The following RTEL1 variants were observed in gnomAD, a reference collection of about 807,000 sequenced individuals.
The protein encoded by RTEL1 is regulator of telomere length.
RTEL1 carries 86 observed loss-of-function variants against 162.2 expected under a neutral mutation model. That is an observed-to-expected ratio of 0.53 (90% CI 0.45 to 0.63). The LOEUF is 0.63. Ranked by LOEUF, RTEL1 falls within the 30% of genes least tolerant of loss-of-function variation. RTEL1 has a pLI of 0.00. For synonymous variants in RTEL1, 958 were observed against 717.9 expected (o/e 1.33, Z -5.35); for missense variants, 1,941 against 1,750.2 (o/e 1.11, Z -1.95).
At chr20:63,678,407 T>C (rs2090401473) in intron 12 of RTEL1, 61 bp downstream of exon 12, 1 of 1,495,100 alleles carries the variant, frequency 6.7e-7, no homozygotes. Context: ...AAACGGGCCA[T>C]GGTGCAGTCC....
In RTEL1 at chr20:63,695,380, C is replaced by T. The variant is rs760713860; in HGVS notation, c.3552C>T (p.Phe1184=). The T allele has an allele frequency of 7.7e-6, 12 of 1,554,626 alleles. No homozygotes were observed. The highest frequency in any genetic ancestry group is 3.5e-4 in the Middle Eastern group (2 of 5,770). The change falls in exon 34 of 35, where the codon TTC becomes TTT. Residue 1184 remains phenylalanine (F), a synonymous_variant. Coordinates refer to ENST00000360203, the MANE Select transcript of RTEL1 (RefSeq NM_001283009.2). ...AGACCCAGAGCAAGATCTCGTCCTT[C>T]CTTAGACAGAGGCCAGCAGGGACTG... The part of the protein sequence containing the change: ...TGKTQSKISS[F]LRQRPAGTVG...
rs956025765 is a variant in RTEL1 at position 63,661,093 on chromosome 20, C to T, written c.103-205C>T. Among the ~76,000 whole-genome samples, 1 of 152,242 alleles carries T rather than the reference C, an allele frequency of 6.6e-6. No homozygotes were observed. Among genetic ancestry groups the T allele is most frequent in the Admixed American group, 6.5e-5 (1 of 15,284 alleles). Reference sequence around the variant, plus strand: ...CGTTCTGCAAATCGTTTGCTAATGGCGGCTGAGTTGCTTCACGCCCTTTAG... The same window carrying T: ...CGTTCTGCAAATCGTTTGCTAATGGTGGCTGAGTTGCTTCACGCCCTTTAG... On this transcript the variant is annotated intron_variant, in intron 2 of 34. Transcript: ENST00000360203. The surrounding 1 kb of genome is among the most constrained non-coding windows in gnomAD (Gnocchi z 5.1).
At chr20:63,664,705 C>G (rs1170696649) in intron 6 of RTEL1, among the ~76,000 whole-genome samples, 1 of 152,232 alleles carries the variant, frequency 6.6e-6, no homozygotes, top group African/African-American at 2.4e-5. Flanking sequence ...GTGTCTGCAG[C>G]ACCTGCACCG....
chr20:63,668,351 C>T lies in RTEL1; in HGVS notation c.699+798C>T, dbSNP rs2090182761. ...TCGGGGTGTATATTTATTGAGAGCT[C>T]ATCATGCTGGGTGCTATTCCAGGCA... On this transcript the variant is annotated intron_variant, in intron 8 of 34. Coordinates refer to ENST00000360203, the MANE Select transcript of RTEL1 (RefSeq NM_001283009.2). The surrounding 1 kb of genome is among the most constrained non-coding windows in gnomAD (Gnocchi z 4.3). Among the ~76,000 whole-genome samples the T allele has an allele frequency of 1.3e-5, 2 of 152,210 alleles. No homozygotes were observed. Among genetic ancestry groups the T allele is most frequent in the African/African-American group, 4.8e-5 (2 of 41,452 alleles).
chr20:63,662,953 C>G (rs2090050805), intron 6 of RTEL1, 64 bp downstream of exon 6: 1 of 1,495,420 alleles, frequency 6.7e-7, no homozygotes, highest in Admixed American at 1.7e-5. Context: ...GGGTGGAGCT[C>G]AGTGGTGTCA....
In RTEL1 at chr20:63,661,228, T is replaced by A; in HGVS notation, c.103-70T>A. The A allele has an allele frequency of 6.9e-7, 1 of 1,454,928 alleles. No individual in the cohort carries two copies. The highest frequency in any genetic ancestry group is 2.3e-5 in the East Asian group (1 of 43,126). 90.1% of individuals were successfully genotyped at this position (1,454,928 alleles called of 1,614,324 possible). On this transcript the variant is annotated intron_variant, in intron 2 of 34. Transcript: ENST00000360203. The surrounding 1 kb of genome is among the most constrained non-coding windows in gnomAD (Gnocchi z 5.1). ...GCTGCCCGCTGGCTGCCGAAGCTTGTCTCAGGGCAGCTTGTGTGGCCTCGC... is the reference window on the plus strand; with the variant it reads ...GCTGCCCGCTGGCTGCCGAAGCTTGACTCAGGGCAGCTTGTGTGGCCTCGC...
At chr20:63,666,213 C>T (rs1232398375) in intron 7 of RTEL1, 134 bp downstream of exon 7, 18 of 734,724 alleles carry the variant, frequency 2.4e-5, no homozygotes, top group African/African-American at 3.6e-5. Context: ...CCATTCAGTA[C>T]GAAAAAGTTT....
At chr20:63,689,168 G>T (rs1391848717) in intron 22 of RTEL1, 36 bp downstream of exon 22, 1 of 1,590,938 alleles carries the variant, frequency 6.3e-7, no homozygotes, top group Non-Finnish European at 8.6e-7. Context: ...TGACCTGGTT[G>T]CCTGTTCCCT....
chr20:63,666,655 C>T (rs1467414033), intron 7 of RTEL1, among the ~76,000 whole-genome samples: 1 of 152,114 alleles, frequency 6.6e-6, no homozygotes, highest in Admixed American at 6.5e-5. Flanking sequence ...CCCACCTCAG[C>T]CTCCCAAGTA....
chr20:63,687,870 C>G, intron 17 of RTEL1, 67 bp from the exon 18 acceptor site: 1 of 1,581,044 alleles, frequency 6.3e-7, no homozygotes, highest in Non-Finnish European at 8.6e-7. Flanking sequence ...CTGGGGGTCT[C>G]GGGCCTCGAG....
Position 63,659,235 on chromosome 20 carries a change from C to A in RTEL1, c.-168C>A. 1.6e-6 allele frequency: 1 copy of A among 635,382 alleles called. No individual in the cohort carries two copies. Among genetic ancestry groups the A allele is most frequent in the South Asian group, 1.8e-5 (1 of 57,064 alleles). The allele number at this position is 635,382 out of a possible 1,614,324, so 39.4% of individuals were successfully genotyped here. A position where few individuals can be genotyped will look rare whatever the true frequency, so the allele number is the denominator to read the frequency against. On this transcript the variant is annotated splice_region_variant and 5_prime_UTR_variant, in exon 2 of 35. The change creates a new upstream start codon in the 5' untranslated region. Transcript: ENST00000360203. ...CAGAGTCTTACTGTCTTTCCCAGGT[C>A]TGTGCCATAGGGATTCTCGAAGAGA...
At chr20:63,692,220 C>G (rs1201625661) in intron 28 of RTEL1, 1 of 231,250 alleles carries the variant, frequency 4.3e-6, no homozygotes, top group Non-Finnish European at 8.6e-6. Flanking sequence ...CTGGAAAACC[C>G]CAAGTGTGGC....
chr20:63,687,849 T>C (rs2090631895), intron 17 of RTEL1, 79 bp downstream of exon 17: 5 of 1,561,166 alleles, frequency 3.2e-6, no homozygotes, highest in African/African-American at 2.7e-5. Flanking sequence ...GGGGTCCCCA[T>C]GAGCCGGGTG....
At chr20:63,671,000 C>T (rs913190398) in intron 8 of RTEL1, among the ~76,000 whole-genome samples, 2 of 152,086 alleles carry the variant, frequency 1.3e-5, no homozygotes, top group East Asian at 1.9e-4. Flanking sequence ...AGCAGGGAGC[C>T]GATGAGTCTC....
chr20:63,688,532 G>A lies in RTEL1; in HGVS notation c.1727G>A (p.Arg576His), dbSNP rs115423936. 1,537 of 1,610,342 alleles carry A rather than the reference G, an allele frequency of 9.5e-4. 12 individuals carry two copies. The African/African-American group carries it at 0.019, about 20-fold the overall frequency. ...CCCTGCCTCTTCCTCCCACAGGCCC[G>A]CGACTTGGCCAGGAAGATGGAGGCG... Reference protein sequence around the residue: ...MEKSLEFWRARDLARKMEALK... With the variant: ...MEKSLEFWRAHDLARKMEALK... Residue 576 changes from arginine (R) to histidine (H), a missense_variant, in exon 21 of 35, where the codon CGC becomes CAC. Coordinates refer to ENST00000360203, the MANE Select transcript of RTEL1 (RefSeq NM_001283009.2).
intron 13 of RTEL1, among the ~76,000 whole-genome samples, 170 bp from the exon 14 acceptor site, chr20:63,680,494 C>T (rs1294910804): frequency 1.3e-5 from 2 of 152,256 alleles, no homozygotes; most frequent in African/African-American, 2.4e-5. Context: ...CTGGGAAGAG[C>T]AGGCGAACTG....
chr20:63,678,150 A>C lies in RTEL1; in HGVS notation c.925A>C (p.Asn309His), dbSNP rs1001387395. Residue 309 changes from asparagine to histidine, a missense_variant, in exon 11 of 35, where the codon AAC becomes CAC. Physicochemically the swap from Asn to His is moderately conservative, Grantham distance 68 (BLOSUM62 1). Transcript: ENST00000360203. ...GCTGCCTTTCTCTTGCCCAGGGCTG[A>C]ACATGGAGCTGGAAGACATTGCAAA... ...FSADSPSPGLNMELEDIAKLK... is the reference protein window; with the variant it reads ...FSADSPSPGLHMELEDIAKLK... 2 of 1,614,042 alleles carry C rather than the reference A, an allele frequency of 1.2e-6. No individual in the cohort carries two copies.
At chr20:63,662,291 A>C in intron 4 of RTEL1, 1 of 683,504 alleles carries the variant, frequency 1.5e-6, no homozygotes, top group Non-Finnish European at 2.6e-6. Context: ...AGAGCCCAGC[A>C]GAGTCTTGGT....
At position 63,668,051 on chromosome 20, in the gene RTEL1, C is replaced by T. The variant is rs766853231; in HGVS notation, c.699+498C>T. ...TGTGCCCGGCCTGACACTCACTCCC[C>T]TCCTCCCAGTGTGTGCCCAGCCCCA... On this transcript the variant is annotated intron_variant, in intron 8 of 34. Transcript: ENST00000360203. The surrounding 1 kb of genome is among the most constrained non-coding windows in gnomAD (Gnocchi z 4.3). Among the ~76,000 whole-genome samples, 13 of 151,332 alleles carry T rather than the reference C, an allele frequency of 8.6e-5. No homozygotes were observed. Among genetic ancestry groups the T allele is most frequent in the Non-Finnish European group, 1.5e-4 (10 of 67,796 alleles).
Sources: gnomAD v4.1 joint callset for allele counts (sites outside exome capture counted in the v4.1 genomes callset) on GRCh38, gnomAD v4.1.1 for gene constraint, Gnocchi (gnomAD v3.1) non-coding constraint, MANE v1.5 for transcripts, NCBI Gene and HGNC (gene_info 2026-07-23, HGNC 2026-07-21) for gene names.